The following LARP1B variants were observed in gnomAD, a reference collection of about 807,000 sequenced individuals.
LARP1B encodes la-related protein 1B.
Under a neutral mutation model 114.2 loss-of-function variants are expected in LARP1B, and 76 were observed. The observed-to-expected ratio is 0.67, with a 90% CI of 0.55 to 0.81. The LOEUF is 0.81. LARP1B is among the 30% of genes least tolerant of loss of function. LARP1B has a pLI of 0.00. For synonymous variants in LARP1B, 345 were observed against 348.0 expected (o/e 0.99, Z 0.10); for missense variants, 1,014 against 1,075.8 (o/e 0.94, Z 0.80).
chr4:128,192,453 C>G (rs1752595502), intron 15 of LARP1B, among the ~76,000 whole-genome samples: 1 of 152,208 alleles, frequency 6.6e-6, no homozygotes, highest in South Asian at 2.1e-4. Flanking sequence ...TACTGAACAT[C>G]ATGGCTCAGC....
At position 128,210,833 on chromosome 4, in the gene LARP1B, ATT is replaced by A. The variant is rs61241787; in HGVS notation, c.*782_*783del. On this transcript the variant is annotated 3_prime_UTR_variant, in exon 20 of 20. Coordinates refer to ENST00000326639, the MANE Select transcript of LARP1B (RefSeq NM_018078.4). ...GATTCTATATAAACGTGCACGAGTA[ATT>A]TAAAACCTGCATTGGGATTGATTGG... 0.044 allele frequency: 43,726 copies of A among 984,088 alleles called. 1,052 individuals are homozygous for A. Among genetic ancestry groups the A allele is most frequent in the Non-Finnish European group, 0.048 (39,888 of 828,734 alleles). 61.0% of individuals were successfully genotyped at this position (984,088 alleles called of 1,614,324 possible).
At chr4:128,196,605 T>C (rs1040016480) in intron 15 of LARP1B, among the ~76,000 whole-genome samples, 1 of 151,296 alleles carries the variant, frequency 6.6e-6, no homozygotes, top group African/African-American at 2.4e-5. Context: ...TTCTGTTTTT[T>C]TTTTTCGGAC....
intron 7 of LARP1B, chr4:128,092,774 C>G (rs1776347030): frequency 1.0e-6 from 1 of 985,268 alleles, no homozygotes; most frequent in African/African-American, 1.7e-5. Flanking sequence ...TCTTTTGTTA[C>G]AGTTGATGCA....
intron 8 of LARP1B, among the ~76,000 whole-genome samples, chr4:128,101,170 G>A (rs989174721): frequency 6.7e-6 from 1 of 149,748 alleles, no homozygotes; most frequent in African/African-American, 2.4e-5. Flanking sequence ...CGTGTGCTTC[G>A]TGTTTTAAAA....
intron 15 of LARP1B, among the ~76,000 whole-genome samples, chr4:128,189,145 T>G (rs1308410760): frequency 6.6e-6 from 1 of 152,060 alleles, no homozygotes; most frequent in Non-Finnish European, 1.5e-5. Flanking sequence ...CTAGATTTAT[T>G]AATGTTTACT....
At chr4:128,065,299 T>G (rs1246604414) in intron 1 of LARP1B, among the ~76,000 whole-genome samples, 2 of 128,200 alleles carry the variant, frequency 1.6e-5, no homozygotes, top group African/African-American at 6.0e-5. Context: ...CTTTCTTTCT[T>G]TCTTTCTTTC....
chr4:128,171,456 T>C (rs1311511606), intron 12 of LARP1B, among the ~76,000 whole-genome samples: 1 of 152,198 alleles, frequency 6.6e-6, no homozygotes, highest in African/African-American at 2.4e-5. Flanking sequence ...GTAATAATTG[T>C]CTTATATATC....
At chr4:128,191,436 G>A (rs1266341276) in intron 15 of LARP1B, among the ~76,000 whole-genome samples, 1 of 152,130 alleles carries the variant, frequency 6.6e-6, no homozygotes, top group Admixed American at 6.6e-5. Context: ...TAGCGTGTGA[G>A]TTCCCTTAAT....
At chr4:128,110,147 C>T (rs1580520186) in intron 9 of LARP1B, among the ~76,000 whole-genome samples, 1 of 152,072 alleles carries the variant, frequency 6.6e-6, no homozygotes, top group Non-Finnish European at 1.5e-5. Context: ...TGTGATCAGC[C>T]CACCTCGGCC....
intron 5 of LARP1B, among the ~76,000 whole-genome samples, chr4:128,088,939 C>T (rs1170774120): frequency 2.6e-5 from 4 of 151,592 alleles, no homozygotes; most frequent in Non-Finnish European, 4.4e-5. Flanking sequence ...GCCTGGGCAA[C>T]ATAGTGAGAA....
At chr4:128,066,361 G>T (rs1762859591) in intron 1 of LARP1B, among the ~76,000 whole-genome samples, 1 of 151,322 alleles carries the variant, frequency 6.6e-6, no homozygotes, top group African/African-American at 2.4e-5. Context: ...TATTATTTTA[G>T]TAGAGACGGG....
intron 11 of LARP1B, among the ~76,000 whole-genome samples, chr4:128,129,342 C>G (rs1325583204): frequency 2.5e-5 from 3 of 117,986 alleles, no homozygotes; most frequent in Non-Finnish European, 3.6e-5. Flanking sequence ...GAGCAAGACT[C>G]CGTCTCAAAA....
intron 1 of LARP1B, among the ~76,000 whole-genome samples, chr4:128,067,480 C>T (rs766588740): frequency 4.5e-4 from 69 of 152,178 alleles, no homozygotes; most frequent in Non-Finnish European, 4.0e-4. Context: ...ACAACCTGCA[C>T]ATCTAAGTGA....
chr4:128,115,512 A>C (rs1168951452), intron 10 of LARP1B, among the ~76,000 whole-genome samples: 4 of 152,188 alleles, frequency 2.6e-5, no homozygotes, highest in African/African-American at 4.8e-5. Flanking sequence ...TCAAGACTGC[A>C]GTGAGCCATG....
Position 128,152,134 on chromosome 4 carries a change from T to A in LARP1B, c.1525-10060T>A, listed in dbSNP as rs563156310. ...ATTTTAAAACTGTGTTCCCCAACAGTCTTTATTCAGTATTTTAGCTTCCAT... is the reference window on the plus strand; with the variant it reads ...ATTTTAAAACTGTGTTCCCCAACAGACTTTATTCAGTATTTTAGCTTCCAT... On this transcript the variant is annotated intron_variant, in intron 11 of 19. Coordinates refer to ENST00000326639, the MANE Select transcript of LARP1B (RefSeq NM_018078.4). Among the ~76,000 whole-genome samples, 3 of 152,214 alleles carry A rather than the reference T, an allele frequency of 2.0e-5. No homozygotes were observed. The East Asian group carries it at 5.8e-4, about 29-fold the overall frequency.
intron 5 of LARP1B, among the ~76,000 whole-genome samples, chr4:128,084,478 A>G (rs371276194): frequency 2.6e-5 from 4 of 152,222 alleles, no homozygotes; most frequent in South Asian, 2.1e-4. Flanking sequence ...TACGAAAACC[A>G]GTCAGGCGTG....
At chr4:128,072,502 G>C (rs1452683264) in intron 1 of LARP1B, among the ~76,000 whole-genome samples, 1 of 151,928 alleles carries the variant, frequency 6.6e-6, no homozygotes, top group East Asian at 1.9e-4. Context: ...GTTAAAACAT[G>C]AGAAAATGAA....
At chr4:128,097,015 C>A (rs537515149) in intron 7 of LARP1B, among the ~76,000 whole-genome samples, 2 of 152,330 alleles carry the variant, frequency 1.3e-5, no homozygotes, top group African/African-American at 4.8e-5. Context: ...TCTCCTGCCT[C>A]AGCTTCCCGA....
intron 1 of LARP1B, 34 bp downstream of exon 1, chr4:128,061,435 G>A (rs1432845994): frequency 1.3e-5 from 2 of 155,440 alleles, no homozygotes. Context: ...GCGGCTCCCG[G>A]CGCGTGGTGG....
Sources: allele counts gnomAD v4.1 joint callset (sites outside exome capture counted in the v4.1 genomes callset), GRCh38; gene constraint gnomAD v4.1.1; transcripts MANE v1.5; gene names NCBI Gene and HGNC (gene_info 2026-07-23, HGNC 2026-07-21).